The following RABGAP1L variants were observed in gnomAD, a reference collection of about 807,000 sequenced individuals.
RABGAP1L encodes rab GTPase-activating protein 1-like.
Under a neutral mutation model 137.7 loss-of-function variants are expected in RABGAP1L, and 63 were observed. The observed-to-expected ratio is 0.46, with a 90% CI of 0.37 to 0.56. RABGAP1L has a LOEUF of 0.56. Among genes scored for constraint, RABGAP1L ranks in the 20% least tolerant of loss-of-function variants. The pLI, the probability that RABGAP1L is intolerant of heterozygous loss-of-function variation, is 0.00. For missense variants in RABGAP1L, 1,095 were observed against 1,244.0 expected, an observed-to-expected ratio of 0.88 and a Z score of 1.80; for synonymous variants, 431 against 433.7, an observed-to-expected ratio of 0.99 and a Z score of 0.08.
chr1:174,402,577 G>C (rs1648733021), intron 13 of RABGAP1L, among the ~76,000 whole-genome samples: 1 of 152,154 alleles, frequency 6.6e-6, no homozygotes, highest in Non-Finnish European at 1.5e-5. Flanking sequence ...CTGCCACTGA[G>C]TTGTAGGGTA....
At chr1:174,575,278 TGGATAA>T (rs1403841100) in intron 13 of RABGAP1L, among the ~76,000 whole-genome samples, 1 of 152,194 alleles carries the variant, frequency 6.6e-6, no homozygotes, top group Non-Finnish European at 1.5e-5. Flanking sequence ...ACTTTTTACC[TGGATAA>T]TATATTTGGT....
At chr1:174,584,439 A>C (rs1201790066) in intron 13 of RABGAP1L, among the ~76,000 whole-genome samples, 1 of 152,130 alleles carries the variant, frequency 6.6e-6, no homozygotes, top group Non-Finnish European at 1.5e-5. Context: ...AAGAAATATC[A>C]TTCTTGGGTC....
chr1:174,351,225 G>C (rs146728188), intron 11 of RABGAP1L, among the ~76,000 whole-genome samples: 1 of 152,174 alleles, frequency 6.6e-6, no homozygotes, highest in African/African-American at 2.4e-5. Context: ...CAATTATAGT[G>C]TTATCATTTT....
At chr1:174,949,152 T>C (rs1667350311) in intron 19 of RABGAP1L, among the ~76,000 whole-genome samples, 1 of 152,182 alleles carries the variant, frequency 6.6e-6, no homozygotes, top group Admixed American at 6.5e-5. Flanking sequence ...GGAAGGTAGA[T>C]AGAGACTAGA....
chr1:174,961,094 A>C (rs144235681), intron 20 of RABGAP1L, among the ~76,000 whole-genome samples: 1 of 152,326 alleles, frequency 6.6e-6, no homozygotes. Flanking sequence ...AACAATGTAG[A>C]ATGTTTATTT....
intron 19 of RABGAP1L, among the ~76,000 whole-genome samples, chr1:174,886,067 A>G (rs2149102387): frequency 6.8e-6 from 1 of 147,484 alleles, no homozygotes; most frequent in South Asian, 2.1e-4. Flanking sequence ...ACGCTGGAGT[A>G]CAATGGCATG....
intron 17 of RABGAP1L, among the ~76,000 whole-genome samples, chr1:174,719,442 A>G (rs17842157): frequency 0.21 from 32,339 of 152,102 alleles, 3,754 homozygotes; most frequent in Admixed American, 0.25. Flanking sequence ...TGTAGAACCA[A>G]TCAGTCAACA....
At chr1:174,334,472 G>A (rs1421393973) in intron 11 of RABGAP1L, among the ~76,000 whole-genome samples, 2 of 152,158 alleles carry the variant, frequency 1.3e-5, no homozygotes, top group African/African-American at 4.8e-5. Context: ...CTTAGCCAAA[G>A]TTCTGTTTAC....
Position 174,988,691 on chromosome 1 carries a change from T to A in RABGAP1L, c.2856T>A (p.Gly952=), listed in dbSNP as rs1671818137. ...GCAGTGACATTTTCAGCAAGGAGGG[T>A]GCTTTGAAACTAGCAGCCACAGGCA... ...KHCSDIFSKE[G]ALKLAATGRE... Residue 952 remains glycine, a synonymous_variant, in exon 25 of 26, where the codon GGT becomes GGA. Transcript: ENST00000681986. The A allele has an allele frequency of 6.5e-7, 1 of 1,548,316 alleles. No individual in the cohort carries two copies. The highest frequency in any genetic ancestry group is 1.4e-5 in the African/African-American group (1 of 72,938).
At chr1:174,754,887 T>TATATGAGGGGACA (rs1447898854) in intron 18 of RABGAP1L, among the ~76,000 whole-genome samples, 9 of 152,228 alleles carry the variant, frequency 5.9e-5, no homozygotes, top group African/African-American at 2.2e-4. Flanking sequence ...AAGCATTTCT[T>TATATGAGGGGACA]GTGATGAGGG....
At chr1:174,620,665 A>G (rs151082436) in intron 13 of RABGAP1L, among the ~76,000 whole-genome samples, 47 of 152,202 alleles carry the variant, frequency 3.1e-4, no homozygotes, top group East Asian at 1.9e-3. Flanking sequence ...GGCACTAAAT[A>G]CCCACAAGAG....
intron 24 of RABGAP1L, 71 bp downstream of exon 24, chr1:174,982,976 C>A (rs1013083843): frequency 5.7e-6 from 8 of 1,415,580 alleles, no homozygotes; most frequent in Non-Finnish European, 7.8e-6. Context: ...CCTGAAAGAA[C>A]CCCAAACACC....
intron 1 of RABGAP1L, among the ~76,000 whole-genome samples, chr1:174,180,502 T>C (rs1048725207): frequency 6.6e-6 from 1 of 152,198 alleles, no homozygotes; most frequent in African/African-American, 2.4e-5. Flanking sequence ...TCTCACTCTG[T>C]CACCTACCTT....
At chr1:174,630,220 C>A (rs1295618484) in intron 13 of RABGAP1L, among the ~76,000 whole-genome samples, 4 of 145,308 alleles carry the variant, frequency 2.8e-5, no homozygotes, top group South Asian at 2.3e-4. Context: ...ATTGAACCAG[C>A]CTTGCATCCC....
At chr1:174,310,500 T>G (rs1558121499) in intron 11 of RABGAP1L, among the ~76,000 whole-genome samples, 1 of 152,194 alleles carries the variant, frequency 6.6e-6, no homozygotes, top group Non-Finnish European at 1.5e-5. Flanking sequence ...TTTATTGATA[T>G]TCTGTCTGGA....
intron 1 of RABGAP1L, among the ~76,000 whole-genome samples, chr1:174,179,115 G>A (rs1240835650): frequency 2.0e-5 from 3 of 151,860 alleles, no homozygotes; most frequent in Non-Finnish European, 4.4e-5. Context: ...TTGCTGTGTT[G>A]CCCAGGCTGT....
intron 13 of RABGAP1L, among the ~76,000 whole-genome samples, chr1:174,614,293 A>C (rs1242882088): frequency 6.6e-6 from 1 of 152,068 alleles, no homozygotes; most frequent in Non-Finnish European, 1.5e-5. Flanking sequence ...TCTGTAAAGG[A>C]GTTTATTTCT....
intron 12 of RABGAP1L, among the ~76,000 whole-genome samples, chr1:174,376,755 T>A (rs921485793): frequency 2.0e-5 from 3 of 152,150 alleles, no homozygotes; most frequent in African/African-American, 7.2e-5. Flanking sequence ...GCAGCTAACA[T>A]CTAACTTAAG....
At chr1:174,632,664 CT>C (rs1673521346) in intron 13 of RABGAP1L, among the ~76,000 whole-genome samples, 3 of 149,960 alleles carry the variant, frequency 2.0e-5, no homozygotes, top group Non-Finnish European at 3.0e-5. Context: ...CACTGATACC[CT>C]TTCTTCCAGT....
Sources: allele counts gnomAD v4.1 joint callset (sites outside exome capture counted in the v4.1 genomes callset), GRCh38; gene constraint gnomAD v4.1.1; transcripts MANE v1.5; gene names NCBI Gene and HGNC (gene_info 2026-07-23, HGNC 2026-07-21).